Variants in NAA25 observed in about 807,000 individuals in gnomAD.
NAA25 encodes N-alpha-acetyltransferase 25, NatB auxiliary subunit, also known as N-terminal acetyltransferase B complex subunit NAA25.
In NAA25, 30 loss-of-function variants were observed where a neutral mutation model predicts 132.5. That is an observed-to-expected ratio of 0.23 (90% CI 0.17 to 0.31). NAA25 has a LOEUF of 0.31. Ranked by LOEUF, NAA25 falls within the 10% of genes least tolerant of loss-of-function variation. The pLI, the probability that NAA25 is intolerant of heterozygous loss-of-function variation, is 1.00. For missense variants in NAA25, 771 were observed against 1,150.4 expected (o/e 0.67, Z 4.77); for synonymous variants, 359 against 401.9 (o/e 0.89, Z 1.28).
At chr12:112,056,675 C>T (rs2078551344) in intron 13 of NAA25, among the ~76,000 whole-genome samples, 1 of 152,172 alleles carries the variant, frequency 6.6e-6, no homozygotes, top group African/African-American at 2.4e-5. Context: ...CTAAGTTCTG[C>T]CAGGTGCACC....
chr12:112,078,067 A>C (rs1267187733), intron 7 of NAA25, 121 bp downstream of exon 7: 2 of 679,256 alleles, frequency 2.9e-6, no homozygotes, highest in Non-Finnish European at 5.1e-6. Flanking sequence ...CTGGAAGAAT[A>C]TAACAAAATG....
chr12:112,085,362 A>G (rs767890782), intron 4 of NAA25, among the ~76,000 whole-genome samples: 3 of 152,204 alleles, frequency 2.0e-5, no homozygotes, highest in Non-Finnish European at 4.4e-5. Context: ...ACAGCACTCC[A>G]GCCTGGGTGA....
In NAA25 at chr12:112,047,550, A is replaced by G. The variant is rs1250276992; in HGVS notation, c.2006+115T>C. On this transcript the variant is annotated intron_variant, in intron 17 of 23. Transcript: ENST00000261745. ...CCCAGCCCAACCTAATTCTTTAAAA[A>G]TAAACTGCTTCACCCAGGAGTTCGA... is the stretch of plus-strand genomic sequence containing the variant. 55 of 1,309,914 alleles carry G rather than the reference A, an allele frequency of 4.2e-5. No individual in the cohort carries two copies. The South Asian group carries it at 4.3e-4, about 10-fold the overall frequency. 81.1% of individuals were successfully genotyped at this position (1,309,914 alleles called of 1,614,324 possible).
At chr12:112,107,983 G>A (rs1163009634) in intron 1 of NAA25, among the ~76,000 whole-genome samples, 1 of 152,170 alleles carries the variant, frequency 6.6e-6, no homozygotes, top group East Asian at 1.9e-4. Context: ...GCACAGGGAA[G>A]GAAAGCTGCA....
chr12:112,084,443 C>T (rs920244110), intron 4 of NAA25, among the ~76,000 whole-genome samples: 16 of 152,196 alleles, frequency 1.1e-4, no homozygotes, highest in Admixed American at 7.2e-4. Flanking sequence ...AATAAACATA[C>T]TTAAGCTAAG....
chr12:112,030,210 C>CAAAAAAAAAAA (rs67757055), intron 23 of NAA25, among the ~76,000 whole-genome samples: 10 of 53,398 alleles, frequency 1.9e-4, no homozygotes, highest in African/African-American at 7.6e-4. Context: ...AAAGCTGTCT[C>CAAAAAAAAAAA]AAAAAAAAAA....
intron 4 of NAA25, among the ~76,000 whole-genome samples, chr12:112,086,036 A>T (rs2079043945): frequency 1.2e-5 from 1 of 80,980 alleles, no homozygotes; most frequent in Non-Finnish European, 2.1e-5. Context: ...AAAAAAAAAA[A>T]AAAAAAAAAA....
chr12:112,062,599 GC>G (rs1227345783), intron 11 of NAA25, among the ~76,000 whole-genome samples: 2 of 150,566 alleles, frequency 1.3e-5, no homozygotes, highest in Non-Finnish European at 3.0e-5. Flanking sequence ...GGTGGTGGGT[GC>G]CTGTAATCCC....
At chr12:112,056,645 C>T (rs1169309877) in intron 13 of NAA25, among the ~76,000 whole-genome samples, 1 of 152,210 alleles carries the variant, frequency 6.6e-6, no homozygotes, top group Admixed American at 6.5e-5. Flanking sequence ...TAAATGCCCT[C>T]ATCAACTTTC....
intron 1 of NAA25, among the ~76,000 whole-genome samples, chr12:112,100,583 T>TCTTTC (rs1039906331): frequency 7.2e-5 from 11 of 152,008 alleles, no homozygotes; most frequent in African/African-American, 2.7e-4. Context: ...ACTGTCCTTT[T>TCTTTC]CTTTCTTTTC....
At position 112,039,270 on chromosome 12, in the gene NAA25, G is replaced by A. The variant is rs2078269115; in HGVS notation, c.2608C>T (p.Gln870Ter). ...SVLRPYKLNL[Q>*]KKKKKKKETS... is the part of the protein sequence containing the mutation. The stretch of plus-strand genomic sequence containing the variant: ...TCTTTTTTCTTCTTTTTCTTTTTCT[G>A]TAAATTTAGTTTGTATGGTCGTAGG... The change falls in exon 22 of 24, where the codon CAG becomes TAG. Residue 870 changes from glutamine to a stop codon, truncating the protein, a stop_gained. Coordinates refer to ENST00000261745, the MANE Select transcript of NAA25 (RefSeq NM_024953.4). LOFTEE classifies it high-confidence loss of function. 1 of 1,605,268 alleles carries A rather than the reference G, an allele frequency of 6.2e-7. No homozygotes were observed. The highest frequency in any genetic ancestry group is 8.5e-7 in the Non-Finnish European group (1 of 1,176,308).
At chr12:112,047,593 A>T in intron 17 of NAA25, 72 bp downstream of exon 17, 1 of 1,558,532 alleles carries the variant, frequency 6.4e-7, no homozygotes, top group Non-Finnish European at 8.7e-7. Context: ...GTGAGCTATG[A>T]TCTTGGTCTC....
chr12:112,052,056 T>A (rs2078474663), intron 15 of NAA25, among the ~76,000 whole-genome samples: 1 of 152,176 alleles, frequency 6.6e-6, no homozygotes, highest in African/African-American at 2.4e-5. Flanking sequence ...TGAAAAGGAA[T>A]CTTCAGTAAA....
At chr12:112,032,375 G>T (rs796381534) in intron 23 of NAA25, among the ~76,000 whole-genome samples, 8 of 152,258 alleles carry the variant, frequency 5.3e-5, no homozygotes, top group African/African-American at 1.9e-4. Flanking sequence ...CAAAAGAGGG[G>T]CTTACAATCT....
At chr12:112,097,156 TCTAA>T (rs2079223580) in intron 1 of NAA25, 1 of 152,186 alleles carries the variant, frequency 6.6e-6, no homozygotes, top group Non-Finnish European at 1.5e-5. Context: ...CCTGGTACTC[TCTAA>T]CTATAAAACT....
intron 1 of NAA25, among the ~76,000 whole-genome samples, chr12:112,094,061 A>G (rs1424734822): frequency 6.6e-6 from 1 of 151,856 alleles, no homozygotes; most frequent in Non-Finnish European, 1.5e-5. Context: ...AACATGGTGG[A>G]AAACCTGTCT....
At chr12:112,060,469 A>C in intron 12 of NAA25, 110 bp from the exon 13 acceptor site, 1 of 662,352 alleles carries the variant, frequency 1.5e-6, no homozygotes, top group African/African-American at 1.8e-5. Flanking sequence ...GAAAAGTAAA[A>C]GAAAATTAAG....
Position 112,053,477 on chromosome 12 carries a change from C to T in NAA25, c.1728+81G>A, listed in dbSNP as rs539704358. On this transcript the variant is annotated intron_variant, in intron 15 of 23. Transcript: ENST00000261745. ...AGCATGGTGCACCTTAACATGTGTA[C>T]TTGTGACATGTGGTGACGTGCTCCT... 28 of 1,028,136 alleles carry T rather than the reference C, an allele frequency of 2.7e-5. No homozygotes were observed. The Admixed American group carries it at 4.4e-4, about 16-fold the overall frequency. The allele number at this position is 1,028,136 out of a possible 1,614,324, so 63.7% of individuals were successfully genotyped here.
chr12:112,071,826 C>CGGTT, intron 10 of NAA25, 69 bp downstream of exon 10: 1 of 1,247,882 alleles, frequency 8.0e-7, no homozygotes, highest in Non-Finnish European at 1.1e-6. Flanking sequence ...GTGTAGATCT[C>CGGTT]AACTAATGAA....
Sources: allele counts gnomAD v4.1 joint callset (sites outside exome capture counted in the v4.1 genomes callset), GRCh38; gene constraint gnomAD v4.1.1; transcripts MANE v1.5; gene names NCBI Gene and HGNC (gene_info 2026-07-23, HGNC 2026-07-21).